The following LTBP2 variants were observed in gnomAD, a reference collection of about 807,000 sequenced individuals.
LTBP2 encodes the protein latent-transforming growth factor beta-binding protein 2.
A neutral mutation model predicts 210.6 loss-of-function variants in LTBP2; 103 were observed. That is an observed-to-expected ratio of 0.49 (90% CI 0.42 to 0.58). The LOEUF (loss-of-function observed/expected upper bound fraction) is 0.58, where lower values mean the gene tolerates loss of function less well. Among genes scored for constraint, LTBP2 ranks in the 20% least tolerant of loss-of-function variants. The pLI is 0.00. For missense variants in LTBP2, 2,313 were observed against 2,494.5 expected, an observed-to-expected ratio of 0.93 and a Z score of 1.55; for synonymous variants, 1,007 against 1,015.0, an observed-to-expected ratio of 0.99 and a Z score of 0.15.
rs1422502813 is a variant in LTBP2 at position 74,551,922 on chromosome 14, G to A, written c.1399+265C>T. On this transcript the variant is annotated intron_variant, in intron 6 of 35. Coordinates refer to ENST00000261978, the MANE Select transcript of LTBP2 (RefSeq NM_000428.3). ...CCAGGCCCATGGATTCCTTGAGGGCGGCACCCTGCCCTTACACTGTTTTGT... is the reference window on the plus strand; with the variant it reads ...CCAGGCCCATGGATTCCTTGAGGGCAGCACCCTGCCCTTACACTGTTTTGT... Among the ~76,000 whole-genome samples, 6 of 152,122 alleles carry A rather than the reference G, an allele frequency of 3.9e-5. No individual in the cohort carries two copies. The East Asian group carries it at 5.8e-4, about 15-fold the overall frequency.
chr14:74,524,800 C>G (rs2087250555), intron 15 of LTBP2, among the ~76,000 whole-genome samples: 1 of 152,224 alleles, frequency 6.6e-6, no homozygotes, highest in Non-Finnish European at 1.5e-5. Context: ...GTGGCCCTCA[C>G]TCCCCATGCT....
chr14:74,501,332 G>A, intron 35 of LTBP2, 109 bp downstream of exon 35: 2 of 1,510,948 alleles, frequency 1.3e-6, no homozygotes, highest in South Asian at 2.3e-5. Flanking sequence ...CCAGCCTGAT[G>A]CAGACAGCCC....
At chr14:74,553,499 C>T (rs1302102817) in intron 4 of LTBP2, among the ~76,000 whole-genome samples, 1 of 152,092 alleles carries the variant, frequency 6.6e-6, no homozygotes, top group Non-Finnish European at 1.5e-5. Flanking sequence ...GAATGCAGCC[C>T]CAGCTTGCCA....
Position 74,498,864 on chromosome 14 carries a change from T to A in LTBP2, c.*2020A>T, listed in dbSNP as rs1019003262. On this transcript the variant is annotated 3_prime_UTR_variant, in exon 36 of 36. Coordinates refer to ENST00000261978, the MANE Select transcript of LTBP2 (RefSeq NM_000428.3). ...TCCCCTTAATTTGTTTTGGATATCT[T>A]TCTTAAGGAATTTAGAGCCACCTTT... 2.6e-5 allele frequency: 6 copies of A among 227,660 alleles called. No individual in the cohort carries two copies. The highest frequency in any genetic ancestry group is 1.3e-4 in the African/African-American group (6 of 44,896). The allele number at this position is 227,660 out of a possible 1,614,324, so 14.1% of individuals were successfully genotyped here.
intron 10 of LTBP2, among the ~76,000 whole-genome samples, chr14:74,531,285 A>G (rs1158994057): frequency 2.6e-5 from 4 of 152,160 alleles, no homozygotes; most frequent in Non-Finnish European, 5.9e-5. Flanking sequence ...ACAGAGAGGG[A>G]AAAAAGGACA....
chr14:74,564,111 TTATATATATATATTTATATATATATTTA>T (rs2087842336), intron 3 of LTBP2, among the ~76,000 whole-genome samples: 1 of 6,646 alleles, frequency 1.5e-4, no homozygotes. Context: ...ATATATATAT[TTATATATATATATTTATATATATATTTA>T]TATATATATA....
chr14:74,514,819 T>C (rs1225811628), intron 18 of LTBP2, among the ~76,000 whole-genome samples: 3 of 152,088 alleles, frequency 2.0e-5, no homozygotes, highest in Admixed American at 6.5e-5. Flanking sequence ...GGAGAGGAAA[T>C]TGACTGGGCT....
chr14:74,501,765 G>GA lies in LTBP2; in HGVS notation c.5171-176dup, dbSNP rs371695658. 0.018 allele frequency: 12,615 copies of GA among 714,322 alleles called. 226 individuals carry two copies. The highest frequency in any genetic ancestry group is 0.075 in the African/African-American group (4,150 of 55,346). The allele number at this position is 714,322 out of a possible 1,614,324, so 44.2% of individuals were successfully genotyped here. On this transcript the variant is annotated intron_variant, in intron 34 of 35. Transcript: ENST00000261978. ...TGCTAGAACAAAAGGCAGTACTCTT[G>GA]AAAAAAAAAGTATGTGTCATTTTAG...
At chr14:74,609,491 C>T (rs2088575617) in intron 1 of LTBP2, among the ~76,000 whole-genome samples, 2 of 152,162 alleles carry the variant, frequency 1.3e-5, no homozygotes, top group South Asian at 4.1e-4. Flanking sequence ...AGTACAAGCT[C>T]CTCCCTGCTC....
chr14:74,599,345 C>T (rs573996243), intron 2 of LTBP2, among the ~76,000 whole-genome samples: 1 of 152,322 alleles, frequency 6.6e-6, no homozygotes, highest in South Asian at 2.1e-4. Flanking sequence ...CCAAAGCAGC[C>T]CCAGCCCCTG....
intron 3 of LTBP2, among the ~76,000 whole-genome samples, chr14:74,568,262 G>T (rs910774431): frequency 1.3e-5 from 2 of 152,162 alleles, no homozygotes; most frequent in African/African-American, 2.4e-5. Context: ...CAGCAGCCCC[G>T]GGCCAGCCCC....
chr14:74,605,195 G>A (rs1461333653), intron 1 of LTBP2, among the ~76,000 whole-genome samples: 2 of 152,262 alleles, frequency 1.3e-5, no homozygotes, highest in Non-Finnish European at 2.9e-5. Context: ...GTCCCACTTA[G>A]GAGTTTGTTT....
intron 3 of LTBP2, chr14:74,559,791 G>A (rs1455224137): frequency 6.6e-6 from 1 of 152,204 alleles, no homozygotes; most frequent in East Asian, 1.9e-4. Flanking sequence ...TCAAGAGAAG[G>A]GTCTGGTGCC....
At chr14:74,587,553 C>T (rs2139790084) in intron 2 of LTBP2, among the ~76,000 whole-genome samples, 1 of 151,560 alleles carries the variant, frequency 6.6e-6, no homozygotes, top group East Asian at 2.0e-4. Context: ...GAAGACCAGG[C>T]TGTGGAGGCT....
chr14:74,510,933 C>T (rs953908556), intron 19 of LTBP2, among the ~76,000 whole-genome samples: 1 of 152,210 alleles, frequency 6.6e-6, no homozygotes, highest in Non-Finnish European at 1.5e-5. Flanking sequence ...GCAGAAGGGC[C>T]TGGCCCCATC....
At chr14:74,612,236 GGAAACCTCCCC>G in exon 1 of LTBP2, 1 of 411,304 alleles carries the variant, frequency 2.4e-6, no homozygotes, top group Non-Finnish European at 4.3e-6. Flanking sequence ...TTTTATTTTT[GGAAACCTCCCC>G]CGGCTTTTTC....
chr14:74,502,568 C>A, intron 34 of LTBP2, 85 bp downstream of exon 34: 2 of 1,586,902 alleles, frequency 1.3e-6, no homozygotes, highest in Non-Finnish European at 1.7e-6. Flanking sequence ...CCTCACCCTG[C>A]TGGCAATATG....
At chr14:74,577,496 C>T (rs2088073741) in intron 3 of LTBP2, among the ~76,000 whole-genome samples, 1 of 150,976 alleles carries the variant, frequency 6.6e-6, no homozygotes, top group Non-Finnish European at 1.5e-5. Context: ...AATCCTAGAC[C>T]ATTATCTCTT....
chr14:74,547,295 C>A (rs1737997342), intron 8 of LTBP2, among the ~76,000 whole-genome samples: 1 of 152,216 alleles, frequency 6.6e-6, no homozygotes, highest in South Asian at 2.1e-4. Flanking sequence ...GCCCTGATCG[C>A]TGACACCCCA....
Sources: gnomAD v4.1 joint callset for allele counts (sites outside exome capture counted in the v4.1 genomes callset) on GRCh38, gnomAD v4.1.1 for gene constraint, MANE v1.5 for transcripts, NCBI Gene and HGNC (gene_info 2026-07-23, HGNC 2026-07-21) for gene names.